SCRN1: variants seen among roughly 807,000 people sequenced by gnomAD.
SCRN1 encodes the protein secernin-1.
In SCRN1, 19 loss-of-function variants were observed where a neutral mutation model predicts 43.3. That is an observed-to-expected ratio of 0.44 (90% CI 0.31 to 0.64). The LOEUF (loss-of-function observed/expected upper bound fraction) is 0.64, where lower values mean the gene tolerates loss of function less well. SCRN1 is among the 30% of genes least tolerant of loss of function. The probability of loss-of-function intolerance (pLI) is 0.09; values close to 1 mark genes in which losing one functional copy is unlikely to be tolerated. For synonymous variants in SCRN1, 183 were observed against 188.9 expected (o/e 0.97, Z 0.26); for missense variants, 447 against 524.1 (o/e 0.85, Z 1.44).
At chr7:29,934,266 A>G (rs1306866888) in intron 6 of SCRN1, among the ~76,000 whole-genome samples, 2 of 152,192 alleles carry the variant, frequency 1.3e-5, no homozygotes, top group African/African-American at 2.4e-5. Flanking sequence ...TCAGAAGGCT[A>G]TTGCCCAGCC....
At chr7:29,961,460 T>C (rs1443192562) in intron 2 of SCRN1, among the ~76,000 whole-genome samples, 2 of 139,662 alleles carry the variant, frequency 1.4e-5, no homozygotes, top group Admixed American at 7.1e-5. Context: ...AAGTCTCCCA[T>C]GTCTACTTCT....
intron 3 of SCRN1, among the ~76,000 whole-genome samples, chr7:29,946,990 C>T (rs116028060): frequency 0.013 from 1,948 of 152,340 alleles, 38 homozygotes; most frequent in African/African-American, 0.045. Flanking sequence ...CTCCTACATG[C>T]GGCAGATTCA....
Position 29,947,372 on chromosome 7 carries a change from G to A in SCRN1, c.342-3193C>T, listed in dbSNP as rs1445510078. ...TACTTCTCCTGCTTAAAGCCCGTTTGTTTAGAAACTCTGCTTATCTTTTCA... is the reference window on the plus strand; with the variant it reads ...TACTTCTCCTGCTTAAAGCCCGTTTATTTAGAAACTCTGCTTATCTTTTCA... On this transcript the variant is annotated intron_variant, in intron 3 of 7. Transcript: ENST00000242059. 3.3e-6 allele frequency: 5 copies of A among 1,536,864 alleles called. No individual in the cohort carries two copies. The African/African-American group carries it at 4.1e-5, about 13-fold the overall frequency.
chr7:29,936,176 C>A (rs1265390120), intron 6 of SCRN1, among the ~76,000 whole-genome samples: 6 of 152,228 alleles, frequency 3.9e-5, no homozygotes, highest in Non-Finnish European at 5.9e-5. Context: ...ATTCCCACAT[C>A]TCTCTGTCTC....
intron 6 of SCRN1, among the ~76,000 whole-genome samples, chr7:29,936,317 C>T (rs1787324412): frequency 3.9e-5 from 6 of 152,056 alleles, no homozygotes; most frequent in Admixed American, 3.9e-4. Context: ...TTCGCACCAA[C>T]CTAATAAATT....
chr7:29,973,997 A>G (rs552854015), intron 1 of SCRN1, among the ~76,000 whole-genome samples: 1 of 152,364 alleles, frequency 6.6e-6, no homozygotes, highest in Admixed American at 6.5e-5. Flanking sequence ...GAGGGGCAAG[A>G]TAAATTATCT....
intron 3 of SCRN1, among the ~76,000 whole-genome samples, chr7:29,948,895 C>T (rs1312037812): frequency 6.6e-6 from 1 of 152,202 alleles, no homozygotes; most frequent in African/African-American, 2.4e-5. Flanking sequence ...GCTGCCCCTT[C>T]CCTCCACCAG....
chr7:29,942,472 A>G lies in SCRN1; in HGVS notation c.544+1505T>C, dbSNP rs114607737. Among the ~76,000 whole-genome samples, 462 of 152,366 alleles carry G rather than the reference A, an allele frequency of 3.0e-3. 3 individuals are homozygous for G. The highest frequency in any genetic ancestry group is 0.011 in the African/African-American group (440 of 41,588). On this transcript the variant is annotated intron_variant, in intron 4 of 7. Coordinates refer to ENST00000242059, the MANE Select transcript of SCRN1 (RefSeq NM_014766.5). ...CTTTTGAAACGCAGTCATAGATCAA[A>G]AAGTGTTAGGTTCAACTTAAAAGCA...
intron 2 of SCRN1, among the ~76,000 whole-genome samples, chr7:29,967,811 T>C (rs1443041577): frequency 6.6e-6 from 1 of 152,086 alleles, no homozygotes; most frequent in East Asian, 1.9e-4. Context: ...AGAAAAGCAA[T>C]GATAAAAGCT....
At chr7:29,969,246 G>C in intron 1 of SCRN1, 178 bp from the exon 2 acceptor site, 1 of 603,364 alleles carries the variant, frequency 1.7e-6, no homozygotes, top group South Asian at 2.4e-5. Context: ...GAATGACAGA[G>C]CCACCGAGAC....
chr7:29,932,101 T>A (rs1787173497), intron 6 of SCRN1, among the ~76,000 whole-genome samples: 2 of 151,498 alleles, frequency 1.3e-5, no homozygotes, highest in African/African-American at 4.9e-5. Context: ...CGAACAGCCT[T>A]AAGGATGGCG....
chr7:29,932,341 T>G (rs17158518), intron 6 of SCRN1, among the ~76,000 whole-genome samples: 2,399 of 152,266 alleles, frequency 0.016, 42 homozygotes, highest in East Asian at 0.068. Flanking sequence ...GACATTTGAA[T>G]TATCTAGATG....
chr7:29,944,707 T>A (rs1045552591), intron 3 of SCRN1, among the ~76,000 whole-genome samples: 3 of 148,762 alleles, frequency 2.0e-5, no homozygotes, highest in Non-Finnish European at 3.0e-5. Context: ...GAAAAAATCA[T>A]AGGGGTGTTT....
intron 5 of SCRN1, among the ~76,000 whole-genome samples, chr7:29,937,172 T>C (rs1345962479): frequency 6.6e-6 from 1 of 152,268 alleles, no homozygotes; most frequent in Non-Finnish European, 1.5e-5. Flanking sequence ...TCTGGGACTG[T>C]AACTACCAAA....
chr7:29,975,158 T>A (rs994468812), intron 1 of SCRN1, among the ~76,000 whole-genome samples: 2 of 152,182 alleles, frequency 1.3e-5, no homozygotes, highest in African/African-American at 4.8e-5. Context: ...CATACACGAA[T>A]ATAAAAACTT....
At chr7:29,947,510 G>A (rs1399996909) in intron 3 of SCRN1, among the ~76,000 whole-genome samples, 2 of 152,120 alleles carry the variant, frequency 1.3e-5, no homozygotes, top group Non-Finnish European at 2.9e-5. Context: ...AATAAAAATA[G>A]GCAACACAGC....
chr7:29,988,603 A>G lies in SCRN1; in HGVS notation c.-2+1039T>C, dbSNP rs1402542053. The G allele has an allele frequency of 1.3e-5, 2 of 152,370 alleles. 1 individual carries two copies. The highest frequency in any genetic ancestry group is 6.3e-3 in the Middle Eastern group (2 of 316). The allele number at this position is 152,370 out of a possible 1,614,324, so 9.4% of individuals were successfully genotyped here. On this transcript the variant is annotated intron_variant, in intron 1 of 7. Coordinates refer to ENST00000242059, the MANE Select transcript of SCRN1 (RefSeq NM_014766.5). ...TGAATTAGCATAGGTTTCCTCCGCA[A>G]CTGATGCATCTTCTAACCAGGCTGG...
Position 29,924,054 on chromosome 7 carries a change from A to G in SCRN1, c.1148T>C (p.Met383Thr). The change falls in exon 8 of 8, where the codon ATG (methionine) becomes ACG (threonine). Residue 383 changes from methionine to threonine, a missense_variant. By Grantham distance (81) the Met-to-Thr change is moderately conservative. Transcript: ENST00000242059. ...CTCGGAGCTGGTCAGGATTTCTTCC[A>G]TGGCTTCCAGGCCTTGCTTCTCCAG... ...LELEKQGLEAMEEILTSSEPL... is the reference protein window; with the variant it reads ...LELEKQGLEATEEILTSSEPL... 6.2e-7 allele frequency: 1 copy of G among 1,614,128 alleles called. No homozygotes were observed. The highest frequency in any genetic ancestry group is 8.5e-7 in the Non-Finnish European group (1 of 1,180,022).
At position 29,926,388 on chromosome 7, in the gene SCRN1, C is replaced by A; in HGVS notation, c.1086+64G>T. ...TAGCTTGACATCTGCTTCCCTGCCT[C>A]CTTCCTCGCTGACCTCGCCCGCCCG... On this transcript the variant is annotated intron_variant, in intron 7 of 7. Coordinates refer to ENST00000242059, the MANE Select transcript of SCRN1 (RefSeq NM_014766.5). 1.5e-5 allele frequency: 23 copies of A among 1,553,472 alleles called. No individual in the cohort carries two copies. The South Asian group carries it at 2.6e-4, about 18-fold the overall frequency.
Sources: gnomAD v4.1 joint callset for allele counts (sites outside exome capture counted in the v4.1 genomes callset) on GRCh38, gnomAD v4.1.1 for gene constraint, MANE v1.5 for transcripts, NCBI Gene and HGNC (gene_info 2026-07-23, HGNC 2026-07-21) for gene names.